OR51B5: variants seen among roughly 807,000 people sequenced by gnomAD.
OR51B5 encodes the protein olfactory receptor 51B5.
For synonymous variants in OR51B5, 186 were observed against 144.8 expected (o/e 1.28, Z -2.04); for missense variants, 456 against 374.6 (o/e 1.22, Z -1.79).
intron 1 of OR51B5, among the ~76,000 whole-genome samples, chr11:5,428,144 G>T (rs1472450): frequency 0.055 from 8,330 of 150,446 alleles, 777 homozygotes; most frequent in African/African-American, 0.19. Context: ...TATCCCAAAA[G>T]ACATGCTCAA....
At chr11:5,389,273 A>C in intron 1 of OR51B5, 1 of 899,188 alleles carries the variant, frequency 1.1e-6, no homozygotes, top group Non-Finnish European at 1.7e-6. Context: ...AGAATTCATA[A>C]GGGTGGAGTA....
At chr11:5,417,423 A>T (rs571709713) in intron 1 of OR51B5, among the ~76,000 whole-genome samples, 6 of 152,206 alleles carry the variant, frequency 3.9e-5, no homozygotes, top group Admixed American at 6.5e-5. Flanking sequence ...CAAAATTGAC[A>T]AATGGGATCT....
intron 1 of OR51B5, among the ~76,000 whole-genome samples, chr11:5,414,773 A>AG (rs1850211951): frequency 6.6e-6 from 1 of 152,220 alleles, no homozygotes; most frequent in Non-Finnish European, 1.5e-5. Flanking sequence ...AGATTCATAA[A>AG]CCAAGTCCTT....
chr11:5,483,863 T>C (rs895702558), intron 1 of OR51B5, among the ~76,000 whole-genome samples: 2 of 152,100 alleles, frequency 1.3e-5, no homozygotes, highest in Admixed American at 6.6e-5. Context: ...CTGAAGACAT[T>C]AGCCCAGAAA....
At chr11:5,427,041 C>A (rs918603502) in intron 1 of OR51B5, among the ~76,000 whole-genome samples, 20 of 152,182 alleles carry the variant, frequency 1.3e-4, no homozygotes, top group Admixed American at 1.2e-3. Context: ...TCACCTCCCC[C>A]AAAGCACAGA....
At chr11:5,479,707 C>A (rs1851384102) in intron 1 of OR51B5, among the ~76,000 whole-genome samples, 2 of 149,400 alleles carry the variant, frequency 1.3e-5, no homozygotes, top group South Asian at 2.2e-4. Flanking sequence ...GCAGGGGTTG[C>A]AATCCTAGTC....
At chr11:5,371,512 T>C (rs915941748) in intron 1 of OR51B5, among the ~76,000 whole-genome samples, 2 of 152,018 alleles carry the variant, frequency 1.3e-5, no homozygotes, top group Non-Finnish European at 2.9e-5. Context: ...GAGAAAAACA[T>C]ATATCTCATT....
chr11:5,428,099 ACTTTAAACT>A (rs140061396), intron 1 of OR51B5, among the ~76,000 whole-genome samples: 11,095 of 151,438 alleles, frequency 0.073, 485 homozygotes, highest in African/African-American at 0.11. Context: ...ACAACAATTT[ACTTTAAACT>A]AAGTATATTT....
chr11:5,407,221 T>C (rs981348260), intron 1 of OR51B5, among the ~76,000 whole-genome samples: 1 of 152,166 alleles, frequency 6.6e-6, no homozygotes, highest in Non-Finnish European at 1.5e-5. Flanking sequence ...ACTTAGAAGA[T>C]GGACACTTTT....
intron 1 of OR51B5, among the ~76,000 whole-genome samples, chr11:5,452,988 C>T (rs1197848418): frequency 6.6e-6 from 1 of 151,852 alleles, no homozygotes; most frequent in East Asian, 1.9e-4. Flanking sequence ...CAACATGATA[C>T]AAAACTTGCT....
intron 1 of OR51B5, among the ~76,000 whole-genome samples, chr11:5,397,208 T>A (rs1481187761): frequency 6.6e-6 from 1 of 152,092 alleles, no homozygotes; most frequent in Non-Finnish European, 1.5e-5. Context: ...ACTAATGGGA[T>A]CTAATTAAAC....
At chr11:5,502,791 A>C (rs1383809515) in intron 1 of OR51B5, among the ~76,000 whole-genome samples, 3 of 152,224 alleles carry the variant, frequency 2.0e-5, no homozygotes, top group Non-Finnish European at 4.4e-5. Context: ...AATATATGCA[A>C]AGGCTATAGA....
At chr11:5,393,598 G>T (rs1417086634) in intron 1 of OR51B5, among the ~76,000 whole-genome samples, 1 of 151,980 alleles carries the variant, frequency 6.6e-6, no homozygotes, top group Non-Finnish European at 1.5e-5. Flanking sequence ...TTATGCTGAA[G>T]ATGACAATGA....
At chr11:5,411,081 C>T (rs535150174) in intron 1 of OR51B5, among the ~76,000 whole-genome samples, 3 of 152,202 alleles carry the variant, frequency 2.0e-5, no homozygotes, top group Non-Finnish European at 4.4e-5. Flanking sequence ...TTTATAAAGT[C>T]CATAATAGCA....
At chr11:5,409,589 T>C (rs1363364437) in intron 1 of OR51B5, among the ~76,000 whole-genome samples, 1 of 151,438 alleles carries the variant, frequency 6.6e-6, no homozygotes, top group Non-Finnish European at 1.5e-5. Flanking sequence ...GAAAAACAAG[T>C]CAATAGAAAT....
chr11:5,377,654 T>C (rs1433109142), intron 1 of OR51B5, among the ~76,000 whole-genome samples: 1 of 152,032 alleles, frequency 6.6e-6, no homozygotes, highest in Admixed American at 6.6e-5. Flanking sequence ...ACAAGCATTC[T>C]TATACACCAA....
At chr11:5,380,404 C>T (rs553314300) in intron 1 of OR51B5, among the ~76,000 whole-genome samples, 3 of 152,134 alleles carry the variant, frequency 2.0e-5, no homozygotes, top group African/African-American at 4.8e-5. Context: ...CTGAAAGACC[C>T]GCATCGATCT....
chr11:5,397,428 C>T (rs1264711153), intron 1 of OR51B5, among the ~76,000 whole-genome samples: 1 of 152,052 alleles, frequency 6.6e-6, no homozygotes, highest in Non-Finnish European at 1.5e-5. Flanking sequence ...GACATTTATG[C>T]AGCCAAAAGA....
At chr11:5,410,080 A>C (rs1850121970) in intron 1 of OR51B5, among the ~76,000 whole-genome samples, 1 of 152,176 alleles carries the variant, frequency 6.6e-6, no homozygotes, top group Non-Finnish European at 1.5e-5. Flanking sequence ...CAGATAAGCA[A>C]ATACTGAGAG....
Sources: allele counts gnomAD v4.1 joint callset (sites outside exome capture counted in the v4.1 genomes callset), GRCh38; gene constraint gnomAD v4.1.1; transcripts MANE v1.5; gene names NCBI Gene and HGNC (gene_info 2026-07-23, HGNC 2026-07-21).